Variants in WWOX observed in about 807,000 individuals in gnomAD.
WWOX encodes WW domain-containing oxidoreductase.
A neutral mutation model predicts 46.2 loss-of-function variants in WWOX; 69 were observed. That is an observed-to-expected ratio of 1.49 (90% CI 1.23 to 1.82). WWOX has a LOEUF of 1.82. WWOX is among the 40% of genes most tolerant of loss of function. WWOX has a pLI of 0.00. For synonymous variants in WWOX, 359 were observed against 202.6 expected (o/e 1.77, Z -6.56); for missense variants, 919 against 542.6 (o/e 1.69, Z -6.89).
chr16:78,138,801 C>T (rs748407606), intron 4 of WWOX, among the ~76,000 whole-genome samples: 14 of 152,132 alleles, frequency 9.2e-5, no homozygotes, highest in Non-Finnish European at 1.9e-4. Flanking sequence ...GCTTAATGCG[C>T]CACTCCACGG....
At position 78,430,435 on chromosome 16, in the gene WWOX, C is replaced by T. The variant is rs138191769; in HGVS notation, c.792-2053C>T. Reference sequence around the variant, plus strand: ...TTGTTGCACTACCCACCTGGAAATTCAGTGGATGTTTCTAGGCTCAGATAA... The same window carrying T: ...TTGTTGCACTACCCACCTGGAAATTTAGTGGATGTTTCTAGGCTCAGATAA... On this transcript the variant is annotated intron_variant, in intron 7 of 8. Coordinates refer to ENST00000566780, the MANE Select transcript of WWOX (RefSeq NM_016373.4). Among the ~76,000 whole-genome samples the T allele has an allele frequency of 3.2e-3, 488 of 152,276 alleles. 1 individual carries two copies. The highest frequency in any genetic ancestry group is 5.6e-3 in the Non-Finnish European group (378 of 68,026).
intron 8 of WWOX, among the ~76,000 whole-genome samples, chr16:79,117,687 T>C (rs1049237949): frequency 1.3e-4 from 20 of 152,252 alleles, no homozygotes. Context: ...CTTATCTAGA[T>C]CTTCTGGAAA....
intron 8 of WWOX, among the ~76,000 whole-genome samples, chr16:78,696,546 T>G (rs1258821308): frequency 6.6e-6 from 1 of 152,138 alleles, no homozygotes; most frequent in Non-Finnish European, 1.5e-5. Flanking sequence ...AGCAGCGAGC[T>G]GCAGCTCCCA....
At chr16:78,560,406 G>T (rs1198228980) in intron 8 of WWOX, among the ~76,000 whole-genome samples, 1 of 152,238 alleles carries the variant, frequency 6.6e-6, no homozygotes, top group Admixed American at 6.5e-5. Flanking sequence ...ACTTTGGGAG[G>T]CCGAGGTGGG....
At chr16:78,564,521 T>TAG (rs753472104) in intron 8 of WWOX, among the ~76,000 whole-genome samples, 2 of 152,136 alleles carry the variant, frequency 1.3e-5, no homozygotes, top group Non-Finnish European at 2.9e-5. Context: ...ATGGGAGGGG[T>TAG]AGAGAGTGAG....
intron 8 of WWOX, among the ~76,000 whole-genome samples, chr16:78,645,028 T>C (rs1025869210): frequency 6.6e-6 from 1 of 152,224 alleles, no homozygotes; most frequent in African/African-American, 2.4e-5. Context: ...AATAGTGCTT[T>C]CTTTTCTTCA....
chr16:78,504,357 T>C (rs78611595), intron 8 of WWOX, among the ~76,000 whole-genome samples: 2 of 152,364 alleles, frequency 1.3e-5, no homozygotes, highest in East Asian at 3.9e-4. Flanking sequence ...AGGTACTTTC[T>C]GAGATTCACA....
intron 8 of WWOX, among the ~76,000 whole-genome samples, chr16:78,949,636 C>G (rs942809828): frequency 2.0e-5 from 3 of 152,228 alleles, no homozygotes; most frequent in Non-Finnish European, 4.4e-5. Context: ...TAATCCACCT[C>G]TCCAAGGCTC....
intron 8 of WWOX, among the ~76,000 whole-genome samples, chr16:79,074,133 T>G (rs757741731): frequency 6.6e-5 from 10 of 152,122 alleles, no homozygotes; most frequent in Non-Finnish European, 8.8e-5. Context: ...ATGTTGACGT[T>G]AAAGCAGTTA....
At chr16:78,906,141 C>G (rs951732959) in intron 8 of WWOX, among the ~76,000 whole-genome samples, 1 of 152,092 alleles carries the variant, frequency 6.6e-6, no homozygotes, top group Non-Finnish European at 1.5e-5. Context: ...TCTGTAAACC[C>G]AAAATCCTCA....
chr16:78,974,645 G>T (rs140655189), intron 8 of WWOX, among the ~76,000 whole-genome samples: 38 of 152,268 alleles, frequency 2.5e-4, no homozygotes, highest in Non-Finnish European at 4.3e-4. Flanking sequence ...GTCACCCGAT[G>T]CAACTGTCTG....
intron 8 of WWOX, among the ~76,000 whole-genome samples, chr16:78,485,647 G>A (rs1195846593): frequency 3.3e-5 from 5 of 152,190 alleles, no homozygotes; most frequent in East Asian, 3.9e-4. Context: ...ACTGCCCGCC[G>A]CGTGAAGGAC....
intron 8 of WWOX, among the ~76,000 whole-genome samples, chr16:78,594,429 G>GGCCC (rs2045429050): frequency 3.1e-5 from 1 of 32,380 alleles, no homozygotes; most frequent in African/African-American, 1.4e-4. Flanking sequence ...CTGAGGAAAG[G>GGCCC]CCCCCCCCCC....
At chr16:79,008,764 G>C (rs2047241101) in intron 8 of WWOX, among the ~76,000 whole-genome samples, 1 of 152,192 alleles carries the variant, frequency 6.6e-6, no homozygotes, top group Non-Finnish European at 1.5e-5. Flanking sequence ...AGCAAACAAA[G>C]GGAGATCACA....
chr16:78,290,256 T>A lies in WWOX; in HGVS notation c.517-96604T>A, dbSNP rs77777048. Reference sequence around the variant, plus strand: ...TCTGCGAGCACTCTGCGAGCGGACATGTCGATATCAGCTCCCTCCTCGTTC... The same window carrying A: ...TCTGCGAGCACTCTGCGAGCGGACAAGTCGATATCAGCTCCCTCCTCGTTC... On this transcript the variant is annotated intron_variant, in intron 5 of 8. Coordinates refer to ENST00000566780, the MANE Select transcript of WWOX (RefSeq NM_016373.4). Among the ~76,000 whole-genome samples, 11 of 152,060 alleles carry A rather than the reference T, an allele frequency of 7.2e-5. No individual in the cohort carries two copies. In the East Asian group the frequency reaches 1.2e-3, roughly 16 times the overall value.
intron 8 of WWOX, among the ~76,000 whole-genome samples, chr16:79,067,454 C>T (rs548888881): frequency 1.3e-5 from 2 of 152,148 alleles, no homozygotes; most frequent in African/African-American, 2.4e-5. Context: ...GGGCTTCCCT[C>T]CACCTGAGAT....
chr16:78,306,226 G>C (rs2080132480), intron 5 of WWOX, among the ~76,000 whole-genome samples: 1 of 152,078 alleles, frequency 6.6e-6, no homozygotes, highest in Non-Finnish European at 1.5e-5. Flanking sequence ...TTGATGATTT[G>C]GGAACCGCAT....
intron 8 of WWOX, among the ~76,000 whole-genome samples, chr16:78,805,270 A>G (rs1275861720): frequency 6.6e-6 from 1 of 152,092 alleles, no homozygotes; most frequent in Non-Finnish European, 1.5e-5. Flanking sequence ...TATATTTTTT[A>G]GAGACGGAGT....
chr16:79,028,298 G>A (rs1239150424), intron 8 of WWOX, among the ~76,000 whole-genome samples: 1 of 151,772 alleles, frequency 6.6e-6, no homozygotes, highest in Non-Finnish European at 1.5e-5. Context: ...TCTGGCAAAT[G>A]GAAAGTTCCC....
Sources: allele counts gnomAD v4.1 joint callset (sites outside exome capture counted in the v4.1 genomes callset), GRCh38; gene constraint gnomAD v4.1.1; transcripts MANE v1.5; gene names NCBI Gene and HGNC (gene_info 2026-07-23, HGNC 2026-07-21).